The following NTM variants were observed in gnomAD, a reference collection of about 807,000 sequenced individuals.
NTM encodes IgLON family member 2.
NTM carries 13 observed loss-of-function variants against 42.1 expected under a neutral mutation model. The observed-to-expected ratio is 0.31, with a 90% CI of 0.20 to 0.49. The LOEUF is 0.49. NTM is among the 20% of genes least tolerant of loss of function. The pLI is 0.99. For synonymous variants in NTM, 187 were observed against 179.2 expected, an observed-to-expected ratio of 1.04 and a Z score of -0.35; for missense variants, 373 against 452.8, an observed-to-expected ratio of 0.82 and a Z score of 1.60.
At chr11:132,171,814 A>T (rs772888784) in intron 3 of NTM, among the ~76,000 whole-genome samples, 2 of 152,254 alleles carry the variant, frequency 1.3e-5, no homozygotes, top group Non-Finnish European at 2.9e-5. Context: ...AATGCAGGAA[A>T]AACAGATGAG....
intron 2 of NTM, among the ~76,000 whole-genome samples, chr11:132,092,519 A>C (rs992321782): frequency 6.6e-6 from 1 of 152,118 alleles, no homozygotes; most frequent in Non-Finnish European, 1.5e-5. Context: ...CCTGTCTTTC[A>C]TGGTGTTCTT....
intron 1 of NTM, among the ~76,000 whole-genome samples, chr11:131,615,612 C>G (rs369130656): frequency 2.6e-5 from 4 of 152,126 alleles, no homozygotes; most frequent in African/African-American, 9.7e-5. Context: ...TCAAGTGATC[C>G]ACCCTCCTCA....
intron 2 of NTM, among the ~76,000 whole-genome samples, chr11:132,022,493 C>G (rs2074497531): frequency 6.6e-6 from 1 of 152,206 alleles, no homozygotes; most frequent in Admixed American, 6.5e-5. Flanking sequence ...CTCTTAGTCC[C>G]ACGTGGCCCT....
At position 132,169,119 on chromosome 11, in the gene NTM, T is replaced by C. The variant is rs995149168; in HGVS notation, c.400+22605T>C. ...GGTTATAATCACACAGGCATTTGGATTTCCACTCACTTTGGGCCTCTGGTT... is the reference window on the plus strand; with the variant it reads ...GGTTATAATCACACAGGCATTTGGACTTCCACTCACTTTGGGCCTCTGGTT... On this transcript the variant is annotated intron_variant, in intron 3 of 8. Coordinates refer to ENST00000683400, the MANE Select transcript of NTM (RefSeq NM_001352005.2). Among the ~76,000 whole-genome samples, 6 of 152,160 alleles carry C rather than the reference T, an allele frequency of 3.9e-5. No individual in the cohort carries two copies. In the East Asian group the frequency reaches 1.2e-3, roughly 29 times the overall value.
chr11:132,220,889 C>G (rs1291980550), intron 4 of NTM, among the ~76,000 whole-genome samples: 1 of 152,198 alleles, frequency 6.6e-6, no homozygotes, highest in East Asian at 1.9e-4. Flanking sequence ...CCCTACAGGG[C>G]AGGAGACCCC....
chr11:131,825,494 C>T (rs770437755), intron 1 of NTM, among the ~76,000 whole-genome samples: 21 of 152,076 alleles, frequency 1.4e-4, no homozygotes, highest in South Asian at 4.1e-4. Context: ...AGTCATGTTA[C>T]GGACTTGGTT....
chr11:132,007,684 T>C (rs190103524), intron 2 of NTM, among the ~76,000 whole-genome samples: 5 of 152,348 alleles, frequency 3.3e-5, no homozygotes, highest in African/African-American at 1.2e-4. Context: ...ATCATCCACC[T>C]GATTTGCATT....
intron 1 of NTM, among the ~76,000 whole-genome samples, chr11:131,432,357 T>G (rs1419911257): frequency 1.3e-5 from 2 of 152,208 alleles, no homozygotes; most frequent in Non-Finnish European, 2.9e-5. Context: ...TCATTACAAA[T>G]TGTGATGAGT....
At chr11:131,547,030 C>A (rs1050001939) in intron 1 of NTM, among the ~76,000 whole-genome samples, 3 of 152,152 alleles carry the variant, frequency 2.0e-5, no homozygotes, top group African/African-American at 7.2e-5. Flanking sequence ...CCAAGAAGCC[C>A]TCTGTGGTGA....
chr11:132,069,868 C>T (rs551684812), intron 2 of NTM, among the ~76,000 whole-genome samples: 100 of 150,672 alleles, frequency 6.6e-4, no homozygotes, highest in African/African-American at 8.2e-4. Context: ...CAAGTTAACA[C>T]GTCACACTGA....
At chr11:132,040,654 T>G (rs2077060434) in intron 2 of NTM, among the ~76,000 whole-genome samples, 1 of 152,186 alleles carries the variant, frequency 6.6e-6, no homozygotes, top group African/African-American at 2.4e-5. Context: ...TCCCCAGGCT[T>G]AGGGAGTTGT....
chr11:131,497,826 C>G (rs1436906509), intron 1 of NTM, among the ~76,000 whole-genome samples: 1 of 152,168 alleles, frequency 6.6e-6, no homozygotes, highest in Non-Finnish European at 1.5e-5. Context: ...CCCTCCTAGC[C>G]TGTATCACCT....
intron 1 of NTM, among the ~76,000 whole-genome samples, chr11:131,726,339 A>T (rs1398141859): frequency 1.3e-5 from 2 of 151,644 alleles, no homozygotes; most frequent in South Asian, 2.1e-4. Context: ...TGCACAAGTC[A>T]GTGTCTGTCC....
intron 1 of NTM, among the ~76,000 whole-genome samples, chr11:131,491,819 C>T (rs1326507458): frequency 1.3e-5 from 2 of 152,158 alleles, no homozygotes; most frequent in African/African-American, 4.8e-5. Context: ...GGAATGGTAA[C>T]TTTAGGCCAC....
intron 2 of NTM, among the ~76,000 whole-genome samples, chr11:132,067,829 C>G (rs771487836): frequency 6.6e-6 from 1 of 152,148 alleles, no homozygotes; most frequent in African/African-American, 2.4e-5. Flanking sequence ...ATGTTTGCAA[C>G]TTTGTAGTTT....
At chr11:131,889,820 T>G (rs1355993125) in intron 1 of NTM, among the ~76,000 whole-genome samples, 1 of 152,132 alleles carries the variant, frequency 6.6e-6, no homozygotes, top group Non-Finnish European at 1.5e-5. Flanking sequence ...GCGCCCCTCT[T>G]TTGCATGAGG....
At chr11:131,488,813 T>C (rs972493835) in intron 1 of NTM, among the ~76,000 whole-genome samples, 3 of 152,354 alleles carry the variant, frequency 2.0e-5, no homozygotes, top group Admixed American at 1.3e-4. Flanking sequence ...GCTAAAGAAC[T>C]GTGAGCTGAA....
At chr11:131,502,521 GA>G (rs954058989) in intron 1 of NTM, among the ~76,000 whole-genome samples, 14 of 152,238 alleles carry the variant, frequency 9.2e-5, no homozygotes, top group African/African-American at 3.1e-4. Flanking sequence ...GGGAGCGGGG[GA>G]AAGTGCTATC....
At chr11:131,479,789 T>C (rs569123847) in intron 1 of NTM, among the ~76,000 whole-genome samples, 5 of 152,326 alleles carry the variant, frequency 3.3e-5, no homozygotes, top group African/African-American at 1.2e-4. Context: ...TATGCAATTG[T>C]GTGTGAGAAC....
Sources: allele counts gnomAD v4.1 joint callset (sites outside exome capture counted in the v4.1 genomes callset), GRCh38; gene constraint gnomAD v4.1.1; transcripts MANE v1.5; gene names NCBI Gene and HGNC (gene_info 2026-07-23, HGNC 2026-07-21).